Variants in RASA3 observed in about 807,000 individuals in gnomAD.
RASA3 encodes the protein RAS p21 protein activator 3.
RASA3 carries 73 observed loss-of-function variants against 110.0 expected under a neutral mutation model. The observed-to-expected ratio is 0.66, with a 90% CI of 0.55 to 0.81. RASA3 has a LOEUF of 0.81. RASA3 is among the 30% of genes least tolerant of loss of function. The pLI is 0.00. For synonymous variants in RASA3, 500 were observed against 451.4 expected, an observed-to-expected ratio of 1.11 and a Z score of -1.37; for missense variants, 976 against 1,113.2, an observed-to-expected ratio of 0.88 and a Z score of 1.75.
At chr13:114,128,654 C>A (rs939973438) in intron 1 of RASA3, among the ~76,000 whole-genome samples, 1 of 152,260 alleles carries the variant, frequency 6.6e-6, no homozygotes, top group Non-Finnish European at 1.5e-5. Flanking sequence ...CCTGCAGGCA[C>A]CAGCGGTTCA....
At chr13:114,113,506 T>A (rs1033326406) in intron 1 of RASA3, among the ~76,000 whole-genome samples, 1 of 152,340 alleles carries the variant, frequency 6.6e-6, no homozygotes, top group South Asian at 2.1e-4. Flanking sequence ...TACCCGGGAA[T>A]GTAAAACAGT....
intron 16 of RASA3, among the ~76,000 whole-genome samples, chr13:114,009,960 C>A (rs755976281): frequency 1.3e-5 from 2 of 152,226 alleles, no homozygotes; most frequent in South Asian, 2.1e-4. Flanking sequence ...AGCCACCATT[C>A]CTGAGGCTCG....
chr13:114,019,505 G>A (rs1308573239), intron 9 of RASA3, among the ~76,000 whole-genome samples: 1 of 141,254 alleles, frequency 7.1e-6, no homozygotes, highest in Admixed American at 7.0e-5. Context: ...CCGAGGCCCC[G>A]CCCCCATCAG....
At chr13:113,991,630 G>A (rs1358106201) in intron 22 of RASA3, among the ~76,000 whole-genome samples, 1 of 152,184 alleles carries the variant, frequency 6.6e-6, no homozygotes, top group Admixed American at 6.5e-5. Context: ...TTTCAATTCT[G>A]TAAAGCAATT....
chr13:114,058,341 G>C (rs887596214), intron 2 of RASA3, among the ~76,000 whole-genome samples: 1 of 152,174 alleles, frequency 6.6e-6, no homozygotes, highest in African/African-American at 2.4e-5. Context: ...TCGGGCGTGA[G>C]GCTCACCACT....
intron 4 of RASA3, chr13:114,035,854 G>A (rs2054269653): frequency 6.6e-6 from 1 of 152,266 alleles, no homozygotes. Flanking sequence ...TGTTTGCTCC[G>A]AAAATCCTTC....
At chr13:114,051,096 C>T (rs2139549034) in intron 3 of RASA3, among the ~76,000 whole-genome samples, 1 of 152,190 alleles carries the variant, frequency 6.6e-6, no homozygotes, top group East Asian at 1.9e-4. Flanking sequence ...CCCTCGTGGC[C>T]TCGCTGGCCT....
rs367659521 is a variant in RASA3, at chr13:114,078,133, C to T, written c.56-4296G>A. On this transcript the variant is annotated intron_variant, in intron 1 of 23. Transcript: ENST00000334062. Reference sequence around the variant, plus strand: ...CTGCTGCAGCACGGCCTGGCCACGTCGCCCCGGGGCCTCGCCGTGTGTGCC... The same window carrying T: ...CTGCTGCAGCACGGCCTGGCCACGTTGCCCCGGGGCCTCGCCGTGTGTGCC... 2.9e-4 allele frequency among the ~76,000 whole-genome samples: 44 copies of T among 152,310 alleles called. No homozygotes were observed. In the East Asian group the frequency reaches 7.2e-3, roughly 25 times the overall value.
rs1364686617 is a variant in RASA3 at position 114,056,441 on chromosome 13, T to C, written c.174-4286A>G. ...GAAACCGAGGCACTCCAACATCTGATGAAACGAAACTAACCCCAGGGCTTG... is the reference window on the plus strand; with the variant it reads ...GAAACCGAGGCACTCCAACATCTGACGAAACGAAACTAACCCCAGGGCTTG... On this transcript the variant is annotated intron_variant, in intron 2 of 23. Coordinates refer to ENST00000334062, the MANE Select transcript of RASA3 (RefSeq NM_007368.4). This position sits in a 1 kb window ranked among gnomAD's most constrained non-coding sequence, Gnocchi z 5.7. The C allele has an allele frequency of 1.0e-6, 1 of 985,232 alleles. No individual in the cohort carries two copies. The highest frequency in any genetic ancestry group is 1.2e-6 in the Non-Finnish European group (1 of 829,868). 61.0% of individuals were successfully genotyped at this position (985,232 alleles called of 1,614,324 possible).
intron 4 of RASA3, among the ~76,000 whole-genome samples, chr13:114,040,133 C>A (rs2054367034): frequency 6.6e-6 from 1 of 152,260 alleles, no homozygotes; most frequent in Non-Finnish European, 1.5e-5. Flanking sequence ...TTGTGCATGA[C>A]AAAGGGCGGC....
intron 8 of RASA3, 82 bp downstream of exon 8, chr13:114,024,197 A>G (rs2053984557): frequency 7.0e-6 from 9 of 1,281,394 alleles, no homozygotes; most frequent in Middle Eastern, 1.8e-4. Context: ...CTATGACCCT[A>G]TATTTAGTAA....
At position 114,048,326 on chromosome 13, in the gene RASA3, AAAAG is replaced by A. The variant is rs1209482440; in HGVS notation, c.277+3722_277+3725del. On this transcript the variant is annotated intron_variant, in intron 3 of 23. Transcript: ENST00000334062. This position sits in a 1 kb window ranked among gnomAD's most constrained non-coding sequence, Gnocchi z 4.3. ...AGAGACTCCGTCTCAAAAAAAAAAA[AAAAG>A]AAGAAGAAAAGAATGGAGGTCTCAC... Among the ~76,000 whole-genome samples, 10 of 151,838 alleles carry A rather than the reference AAAAG, an allele frequency of 6.6e-5. No homozygotes were observed. The South Asian group carries it at 1.9e-3, about 28-fold the overall frequency.
At chr13:114,021,159 G>A (rs1293537607) in intron 9 of RASA3, among the ~76,000 whole-genome samples, 1 of 152,228 alleles carries the variant, frequency 6.6e-6, no homozygotes, top group African/African-American at 2.4e-5. Flanking sequence ...TGAGGTGCCA[G>A]CCATTGTGAG....
chr13:114,037,753 G>A lies in RASA3; in HGVS notation c.372+3247C>T, dbSNP rs115853111. On this transcript the variant is annotated intron_variant, in intron 4 of 23. Coordinates refer to ENST00000334062, the MANE Select transcript of RASA3 (RefSeq NM_007368.4). ...GAGACACACACAGAAACACGTGCCT[G>A]TGAACTGGTGAAATCTGGATAACAT... is the stretch of plus-strand genomic sequence containing the variant. 4.5e-3 allele frequency among the ~76,000 whole-genome samples: 692 copies of A among 152,358 alleles called. 4 individuals are homozygous for A. The highest frequency in any genetic ancestry group is 0.016 in the African/African-American group (647 of 41,584).
intron 1 of RASA3, among the ~76,000 whole-genome samples, chr13:114,104,503 G>C (rs1298392095): frequency 2.6e-5 from 4 of 152,108 alleles, no homozygotes; most frequent in Non-Finnish European, 5.9e-5. Context: ...GCCTCTGCCT[G>C]ACCCTGTCAT....
chr13:113,992,087 C>T lies in RASA3; in HGVS notation c.2245+398G>A, dbSNP rs115238721. On this transcript the variant is annotated intron_variant, in intron 22 of 23. Coordinates refer to ENST00000334062, the MANE Select transcript of RASA3 (RefSeq NM_007368.4). ...ACGCTCACACATGTCCACATTCACACGCTCACACATGCCTACACATATGCA... is the reference window on the plus strand; with the variant it reads ...ACGCTCACACATGTCCACATTCACATGCTCACACATGCCTACACATATGCA... Among the ~76,000 whole-genome samples the T allele has an allele frequency of 5.8e-3, 879 of 152,308 alleles. 1 individual carries two copies. The highest frequency in any genetic ancestry group is 0.017 in the African/African-American group (700 of 41,556).
At chr13:114,080,767 C>T (rs1297778940) in intron 1 of RASA3, among the ~76,000 whole-genome samples, 1 of 131,308 alleles carries the variant, frequency 7.6e-6, no homozygotes, top group Non-Finnish European at 1.6e-5. Context: ...GTGCAAATGG[C>T]ATCTGGTGGG....
intron 1 of RASA3, among the ~76,000 whole-genome samples, chr13:114,105,335 C>T (rs2080119069): frequency 1.4e-5 from 2 of 147,674 alleles, no homozygotes; most frequent in South Asian, 2.2e-4. Flanking sequence ...ACTGGGCAGC[C>T]GTGTGACCAG....
chr13:114,113,498 C>T (rs1464098263), intron 1 of RASA3, among the ~76,000 whole-genome samples: 5 of 152,258 alleles, frequency 3.3e-5, no homozygotes, highest in African/African-American at 1.2e-4. Context: ...ACAAATGCTA[C>T]CCGGGAATGT....
Sources: gnomAD v4.1 joint callset for allele counts (sites outside exome capture counted in the v4.1 genomes callset) on GRCh38, gnomAD v4.1.1 for gene constraint, Gnocchi (gnomAD v3.1) non-coding constraint, MANE v1.5 for transcripts, NCBI Gene and HGNC (gene_info 2026-07-23, HGNC 2026-07-21) for gene names.